The following GPR39 variants were observed in gnomAD, a reference collection of about 807,000 sequenced individuals.
The protein encoded by GPR39 is G protein-coupled receptor 39.
Under a neutral mutation model 18.4 loss-of-function variants are expected in GPR39, and 23 were observed. That is an observed-to-expected ratio of 1.25 (90% CI 0.90 to 1.77). The LOEUF (loss-of-function observed/expected upper bound fraction) is 1.77, where lower values mean the gene tolerates loss of function less well. GPR39 is among the 40% of genes most tolerant of loss of function. GPR39 has a pLI of 0.00. For missense variants in GPR39, 647 were observed against 602.4 expected (o/e 1.07, Z -0.78); for synonymous variants, 280 against 257.9 (o/e 1.09, Z -0.82).
intron 1 of GPR39, among the ~76,000 whole-genome samples, chr2:132,467,118 G>T (rs1217502667): frequency 6.6e-6 from 1 of 152,100 alleles, no homozygotes; most frequent in Non-Finnish European, 1.5e-5. Context: ...ACCCCTTTTG[G>T]AGTCAAAGAG....
At chr2:132,606,699 GAA>G in intron 1 of GPR39, among the ~76,000 whole-genome samples, 1 of 152,312 alleles carries the variant, frequency 6.6e-6, no homozygotes, top group South Asian at 2.1e-4. Context: ...CCAGCGTGCC[GAA>G]AAAATTAGAT....
intron 1 of GPR39, among the ~76,000 whole-genome samples, chr2:132,634,863 T>C (rs1463342694): frequency 6.6e-6 from 1 of 152,214 alleles, no homozygotes; most frequent in African/African-American, 2.4e-5. Context: ...GCATATGTAC[T>C]CTGTTTGTAC....
rs114724797 is a variant in GPR39, at chr2:132,493,724, G to A, written c.856+75826G>A. Among the ~76,000 whole-genome samples the A allele has an allele frequency of 6.7e-3, 1,015 of 151,828 alleles. 14 individuals are homozygous for A. The highest frequency in any genetic ancestry group is 0.022 in the African/African-American group (900 of 41,352). On this transcript the variant is annotated intron_variant, in intron 1 of 1. Transcript: ENST00000329321. The stretch of plus-strand genomic sequence containing the variant: ...TAAACATGTTGAGTGGAAGGTGCCT[G>A]CAACTCATCCACTTAGGGTTCTCCA...
At chr2:132,618,961 T>A (rs1424405393) in intron 1 of GPR39, among the ~76,000 whole-genome samples, 1 of 152,150 alleles carries the variant, frequency 6.6e-6, no homozygotes, top group Non-Finnish European at 1.5e-5. Flanking sequence ...AAACGGGAAC[T>A]GCCCACAGAC....
chr2:132,550,458 A>G (rs1680023390), intron 1 of GPR39, among the ~76,000 whole-genome samples: 1 of 152,158 alleles, frequency 6.6e-6, no homozygotes, highest in East Asian at 1.9e-4. Flanking sequence ...TGAAGCTGCC[A>G]CTGTGTTTGT....
At chr2:132,506,977 T>C in intron 1 of GPR39, among the ~76,000 whole-genome samples, 1 of 152,116 alleles carries the variant, frequency 6.6e-6, no homozygotes, top group South Asian at 2.1e-4. Context: ...TTAATCTATC[T>C]TGAGTTGATT....
At chr2:132,486,931 C>A (rs151245156) in intron 1 of GPR39, among the ~76,000 whole-genome samples, 1 of 152,184 alleles carries the variant, frequency 6.6e-6, no homozygotes, top group Non-Finnish European at 1.5e-5. Flanking sequence ...TTTCGACAAG[C>A]CTTTCTTACT....
chr2:132,492,733 ATAT>A (rs1681512523), intron 1 of GPR39, among the ~76,000 whole-genome samples: 1 of 143,918 alleles, frequency 6.9e-6, no homozygotes, highest in Non-Finnish European at 1.5e-5. Flanking sequence ...TATACCATAT[ATAT>A]ATACACACCA....
At chr2:132,633,338 C>CTGTGTGTGTGTGTGTGTG (rs55722602) in intron 1 of GPR39, among the ~76,000 whole-genome samples, 4 of 139,106 alleles carry the variant, frequency 2.9e-5, no homozygotes, top group African/African-American at 1.1e-4. Flanking sequence ...CCAAATACCT[C>CTGTGTGTGTGTGTGTGTG]TGTGTGTGTG....
intron 1 of GPR39, among the ~76,000 whole-genome samples, chr2:132,626,806 A>G (rs1036565007): frequency 6.6e-6 from 1 of 152,216 alleles, no homozygotes; most frequent in Non-Finnish European, 1.5e-5. Context: ...TGAGACTCTT[A>G]TGGTTGGAAG....
chr2:132,417,303 G>A lies in GPR39; in HGVS notation c.261G>A (p.Met87Ile), dbSNP rs1395843597. 1 of 1,614,026 alleles carries A rather than the reference G, an allele frequency of 6.2e-7. No individual in the cohort carries two copies. Among genetic ancestry groups the A allele is most frequent in the South Asian group, 1.1e-5 (1 of 91,076 alleles). The change falls in exon 1 of 2, where the codon ATG becomes ATA. Residue 87 changes from methionine to isoleucine, a missense_variant. Met to Ile is a conservative substitution (Grantham distance 10). Coordinates refer to ENST00000329321, the MANE Select transcript of GPR39 (RefSeq NM_001508.3). Reference sequence around the variant, plus strand: ...ACATCTTGGTGTTCCTCATCGGCATGCCCATGGAGTTCTACAGCATCATCT... The same window carrying A: ...ACATCTTGGTGTTCCTCATCGGCATACCCATGGAGTTCTACAGCATCATCT... Reference protein sequence around the residue: ...CSDILVFLIGMPMEFYSIIWN... With the variant: ...CSDILVFLIGIPMEFYSIIWN...
chr2:132,627,098 T>C (rs1355188248), intron 1 of GPR39, among the ~76,000 whole-genome samples: 2 of 151,132 alleles, frequency 1.3e-5, no homozygotes, highest in African/African-American at 2.4e-5. Flanking sequence ...TTTTTTTTTT[T>C]CCAGCAGATG....
intron 1 of GPR39, chr2:132,489,072 C>A: frequency 4.9e-6 from 1 of 203,730 alleles, no homozygotes; most frequent in Non-Finnish European, 1.0e-5. Context: ...ACACTTGCTG[C>A]CAGGGTCCTC....
rs1445263970 is a variant in GPR39, at chr2:132,642,099, A to G, written c.857-3002A>G. Among the ~76,000 whole-genome samples the G allele has an allele frequency of 2.0e-5, 3 of 152,234 alleles. No homozygotes were observed. In the East Asian group the frequency reaches 5.8e-4, roughly 29 times the overall value. On this transcript the variant is annotated intron_variant, in intron 1 of 1. Transcript: ENST00000329321. ...TGCATGGGAAATTAGCAGAGTGCTT[A>G]GCACAGAAACTGGCTTAGGAAAAAC...
At chr2:132,512,076 C>G (rs1679252122) in intron 1 of GPR39, among the ~76,000 whole-genome samples, 1 of 152,118 alleles carries the variant, frequency 6.6e-6, no homozygotes, top group African/African-American at 2.4e-5. Context: ...TCCCTTTTTC[C>G]TCTTCCAAGG....
At chr2:132,597,850 C>A (rs541529948) in intron 1 of GPR39, among the ~76,000 whole-genome samples, 1 of 152,286 alleles carries the variant, frequency 6.6e-6, no homozygotes, top group East Asian at 1.9e-4. Context: ...AATTCAAAGT[C>A]CAGGAGAGAG....
At chr2:132,508,592 C>T (rs1323134605) in intron 1 of GPR39, among the ~76,000 whole-genome samples, 1 of 151,640 alleles carries the variant, frequency 6.6e-6, no homozygotes, top group Non-Finnish European at 1.5e-5. Flanking sequence ...AAATGACTAA[C>T]AAGCCAGAGG....
chr2:132,469,568 C>T (rs903547662), intron 1 of GPR39, among the ~76,000 whole-genome samples: 2 of 152,048 alleles, frequency 1.3e-5, no homozygotes, highest in Admixed American at 6.5e-5. Flanking sequence ...AGACAGTGAG[C>T]GTGTGTGTGT....
intron 1 of GPR39, among the ~76,000 whole-genome samples, chr2:132,612,973 G>A (rs970834343): frequency 1.3e-5 from 2 of 152,048 alleles, no homozygotes; most frequent in African/African-American, 4.8e-5. Flanking sequence ...AAAAATTTCT[G>A]TTATTAAGGT....
Sources: allele counts gnomAD v4.1 joint callset (sites outside exome capture counted in the v4.1 genomes callset), GRCh38; gene constraint gnomAD v4.1.1; transcripts MANE v1.5; gene names NCBI Gene and HGNC (gene_info 2026-07-23, HGNC 2026-07-21).